ARPC1A: variants seen among roughly 807,000 people sequenced by gnomAD.
ARPC1A encodes actin related protein 2/3 complex subunit 1A.
Under a neutral mutation model 46.9 loss-of-function variants are expected in ARPC1A, and 8 were observed. The ratio of observed to expected loss-of-function variants is 0.17; its 90% confidence interval spans 0.10 to 0.31. ARPC1A has a LOEUF of 0.31. Ranked by LOEUF, ARPC1A falls within the 10% of genes least tolerant of loss-of-function variation. The pLI, the probability that ARPC1A is intolerant of heterozygous loss-of-function variation, is 1.00. For synonymous variants in ARPC1A, 152 were observed against 169.0 expected (o/e 0.90, Z 0.78); for missense variants, 286 against 483.6 (o/e 0.59, Z 3.83).
chr7:99,349,454 C>T (rs139221390), intron 5 of ARPC1A, among the ~76,000 whole-genome samples: 1 of 151,986 alleles, frequency 6.6e-6, no homozygotes, highest in Non-Finnish European at 1.5e-5. Context: ...CCTGTAATCC[C>T]AGCACTTTGG....
intron 4 of ARPC1A, among the ~76,000 whole-genome samples, chr7:99,345,782 G>GTA (rs1182314864): frequency 2.6e-5 from 4 of 152,164 alleles, no homozygotes; most frequent in African/African-American, 9.7e-5. Context: ...AAATAGCAGA[G>GTA]TATACATGAC....
chr7:99,336,598 A>C (rs1793258105), intron 2 of ARPC1A, among the ~76,000 whole-genome samples: 1 of 146,806 alleles, frequency 6.8e-6, no homozygotes, highest in Non-Finnish European at 1.5e-5. Context: ...CGATCAAGCG[A>C]TTCTCCTGCC....
intron 5 of ARPC1A, among the ~76,000 whole-genome samples, chr7:99,351,202 A>G (rs1173780524): frequency 1.3e-5 from 2 of 152,034 alleles, no homozygotes; most frequent in Non-Finnish European, 2.9e-5. Context: ...ATGGTTGTGA[A>G]AATAGGTTGC....
chr7:99,330,075 AC>A (rs1467595423), intron 1 of ARPC1A, among the ~76,000 whole-genome samples: 2 of 151,992 alleles, frequency 1.3e-5, no homozygotes, highest in East Asian at 1.9e-4. Context: ...AAAAAAAAAA[AC>A]AAATTAAACA....
chr7:99,362,518 T>A (rs1213644887), intron 8 of ARPC1A, among the ~76,000 whole-genome samples: 1 of 147,328 alleles, frequency 6.8e-6, no homozygotes, highest in Non-Finnish European at 1.5e-5. Flanking sequence ...TTTTTTTGTA[T>A]CTTTTAGTAG....
intron 3 of ARPC1A, among the ~76,000 whole-genome samples, chr7:99,340,511 T>C (rs1343992715): frequency 1.3e-5 from 2 of 152,048 alleles, no homozygotes; most frequent in Non-Finnish European, 2.9e-5. Flanking sequence ...AGAAGGATCA[T>C]GGCTCACTAC....
chr7:99,359,845 ATTCT>A, intron 8 of ARPC1A, 107 bp downstream of exon 8: 1 of 1,276,276 alleles, frequency 7.8e-7, no homozygotes, highest in South Asian at 1.3e-5. Flanking sequence ...AGGCCCAGAC[ATTCT>A]TTCAGGGACA....
chr7:99,338,455 G>A (rs936037713), intron 3 of ARPC1A, among the ~76,000 whole-genome samples, 170 bp downstream of exon 3: 1 of 139,916 alleles, frequency 7.1e-6, no homozygotes, highest in Non-Finnish European at 1.5e-5. Context: ...GCGCAATCTC[G>A]GCTCACTGCA....
chr7:99,357,807 G>A (rs1312992255), intron 6 of ARPC1A, among the ~76,000 whole-genome samples: 1 of 152,216 alleles, frequency 6.6e-6, no homozygotes, highest in Non-Finnish European at 1.5e-5. Flanking sequence ...TCGAGTGTGA[G>A]CTCCTGGCTA....
chr7:99,350,032 C>CA (rs1170551000), intron 5 of ARPC1A, among the ~76,000 whole-genome samples: 5 of 151,996 alleles, frequency 3.3e-5, no homozygotes, highest in African/African-American at 9.6e-5. Context: ...AAAAACAAAA[C>CA]AAAAAAATGG....
chr7:99,336,847 C>T (rs1793263456), intron 2 of ARPC1A, among the ~76,000 whole-genome samples: 1 of 152,040 alleles, frequency 6.6e-6, no homozygotes, highest in South Asian at 2.1e-4. Flanking sequence ...AGGGGCTGGG[C>T]ATCGTGGCTC....
chr7:99,326,736 G>A (rs545342305), intron 1 of ARPC1A, among the ~76,000 whole-genome samples: 2 of 152,306 alleles, frequency 1.3e-5, no homozygotes, highest in South Asian at 2.1e-4. Context: ...GTTCCTGGCC[G>A]AGAGTAGGTG....
Position 99,354,038 on chromosome 7 carries a change from A to G in ARPC1A, c.630A>G (p.Val210=), listed in dbSNP as rs770481583. The change falls in exon 6 of 10, where the codon GTA becomes GTG. Residue 210 remains valine (V), a synonymous_variant. Coordinates refer to ENST00000262942, the MANE Select transcript of ARPC1A (RefSeq NM_006409.4). The part of the protein sequence containing the change: ...GSGTGGWVHG[V]SFSASGSRLA... ...GCACTGGTGGCTGGGTCCACGGGGT[A>G]AGCTTCTCTGCCAGTGGGAGCCGCC... 5.0e-6 allele frequency: 8 copies of G among 1,613,966 alleles called. No homozygotes were observed. The highest frequency in any genetic ancestry group is 6.8e-6 in the Non-Finnish European group (8 of 1,179,926).
In ARPC1A at chr7:99,366,121, T is replaced by C; in HGVS notation, c.*192T>C. ...TAAGGCAGTAATTTTTTTGTTTGTT[T>C]TTTTGCGATTTCATTCCATTCTTGA... is the stretch of plus-strand genomic sequence containing the variant. On this transcript the variant is annotated 3_prime_UTR_variant, in exon 10 of 10. Coordinates refer to ENST00000262942, the MANE Select transcript of ARPC1A (RefSeq NM_006409.4). The C allele has an allele frequency of 3.0e-6, 2 of 659,046 alleles. No individual in the cohort carries two copies. The highest frequency in any genetic ancestry group is 5.0e-6 in the Non-Finnish European group (2 of 398,742). 40.8% of individuals were successfully genotyped at this position (659,046 alleles called of 1,614,324 possible).
At chr7:99,352,404 C>G (rs1182843722) in intron 5 of ARPC1A, among the ~76,000 whole-genome samples, 4 of 152,134 alleles carry the variant, frequency 2.6e-5, no homozygotes, top group African/African-American at 9.7e-5. Flanking sequence ...CATCTGTAAT[C>G]CCAGCACTTT....
chr7:99,362,425 G>A (rs1351397844), intron 8 of ARPC1A, among the ~76,000 whole-genome samples: 1 of 143,312 alleles, frequency 7.0e-6, no homozygotes, highest in Non-Finnish European at 1.5e-5. Flanking sequence ...TCTGCCTCCT[G>A]GGTTCACGCC....
chr7:99,361,589 C>T (rs1293989781), intron 8 of ARPC1A, among the ~76,000 whole-genome samples: 1 of 152,134 alleles, frequency 6.6e-6, no homozygotes, highest in Non-Finnish European at 1.5e-5. Context: ...TCTTGAATGG[C>T]TCCGAGTTAC....
At chr7:99,332,050 C>A (rs904221304) in intron 1 of ARPC1A, among the ~76,000 whole-genome samples, 3 of 152,212 alleles carry the variant, frequency 2.0e-5, no homozygotes, top group African/African-American at 7.2e-5. Context: ...TATAGAATGG[C>A]ACACACCCTG....
chr7:99,338,847 A>C (rs1481961769), intron 3 of ARPC1A, among the ~76,000 whole-genome samples: 1 of 152,196 alleles, frequency 6.6e-6, no homozygotes, highest in Admixed American at 6.6e-5. Flanking sequence ...CTAAAGAGCT[A>C]AAATTAGGAG....
Sources: gnomAD v4.1 joint callset for allele counts (sites outside exome capture counted in the v4.1 genomes callset) on GRCh38, gnomAD v4.1.1 for gene constraint, MANE v1.5 for transcripts, NCBI Gene and HGNC (gene_info 2026-07-23, HGNC 2026-07-21) for gene names.